Variants in THSD4 observed in about 807,000 individuals in gnomAD.
THSD4 encodes thrombospondin type 1 domain containing 4.
A neutral mutation model predicts 119.0 loss-of-function variants in THSD4; 69 were observed. The ratio of observed to expected loss-of-function variants is 0.58; its 90% CI spans 0.48 to 0.71. The LOEUF (loss-of-function observed/expected upper bound fraction) is 0.71. THSD4 is among the 30% of genes least tolerant of loss of function. The probability of loss-of-function intolerance (pLI) is 0.00; values close to 1 mark genes in which losing one functional copy is unlikely to be tolerated. For synonymous variants in THSD4, 524 were observed against 540.4 expected (o/e 0.97, Z 0.42); for missense variants, 1,393 against 1,391.1 (o/e 1.00, Z -0.02).
At chr15:71,552,179 G>A (rs62022765) in intron 7 of THSD4, among the ~76,000 whole-genome samples, 46,954 of 152,032 alleles carry the variant, frequency 0.31, 7,912 homozygotes, top group Non-Finnish European at 0.39. Context: ...GGGATGTGGC[G>A]GGAAATTTGT....
chr15:71,621,082 A>G (rs563234625), intron 7 of THSD4, among the ~76,000 whole-genome samples: 2 of 152,334 alleles, frequency 1.3e-5, no homozygotes, highest in South Asian at 4.1e-4. Flanking sequence ...TTATACACCC[A>G]AAGTACCATG....
chr15:71,771,068 C>G lies in THSD4; in HGVS notation c.2774C>G (p.Ser925Cys). Residue 925 changes from serine to cysteine, a missense_variant, in exon 17 of 18, where the codon TCC becomes TGC. By Grantham distance (112) the Ser-to-Cys change is moderately radical (BLOSUM62 -1). Transcript: ENST00000261862. ...KWFSTEWSMC[S>C]KSCQGGFRVR... ...TTTCCCTTTGTTCCCATGCAGTGTT[C>G]CAAGAGCTGCCAGGGTGGCTTTCGG... 6.2e-7 allele frequency: 1 copy of G among 1,613,996 alleles called. No individual in the cohort carries two copies. Among genetic ancestry groups the G allele is most frequent in the Non-Finnish European group, 8.5e-7 (1 of 1,179,934 alleles).
At chr15:71,390,817 C>T (rs1481984212) in intron 6 of THSD4, among the ~76,000 whole-genome samples, 2 of 148,454 alleles carry the variant, frequency 1.3e-5, no homozygotes, top group Non-Finnish European at 3.0e-5. Flanking sequence ...TTCCGGGCTC[C>T]TCAATTTTTA....
chr15:71,484,466 A>AG (rs1281687179), intron 7 of THSD4, among the ~76,000 whole-genome samples: 1 of 152,214 alleles, frequency 6.6e-6, no homozygotes, highest in African/African-American at 2.4e-5. Flanking sequence ...TTTACACAGA[A>AG]GCCTGGCTTT....
intron 7 of THSD4, among the ~76,000 whole-genome samples, chr15:71,620,209 TC>T (rs2050396040): frequency 6.6e-6 from 1 of 152,176 alleles, no homozygotes; most frequent in African/African-American, 2.4e-5. Context: ...TTCTGTTTTC[TC>T]ATCCAAAAAA....
chr15:71,279,197 C>A (rs887651715), intron 6 of THSD4, among the ~76,000 whole-genome samples: 1 of 152,000 alleles, frequency 6.6e-6, no homozygotes, highest in Non-Finnish European at 1.5e-5. Flanking sequence ...CTCTTGATGC[C>A]AAAAATTAGA....
At chr15:71,275,967 T>C (rs2044585210) in intron 6 of THSD4, among the ~76,000 whole-genome samples, 1 of 152,196 alleles carries the variant, frequency 6.6e-6, no homozygotes. Flanking sequence ...TAGCGTAAGT[T>C]TCTATCAGCA....
chr15:71,410,749 T>G (rs935720871), intron 6 of THSD4, among the ~76,000 whole-genome samples: 2 of 152,096 alleles, frequency 1.3e-5, no homozygotes. Context: ...AAGCAGAATA[T>G]GGCCAGGTGT....
intron 7 of THSD4, among the ~76,000 whole-genome samples, chr15:71,513,183 T>C (rs1222406966): frequency 6.6e-6 from 1 of 152,210 alleles, no homozygotes; most frequent in Non-Finnish European, 1.5e-5. Flanking sequence ...CTTCCTGTCA[T>C]CTCTGTACTT....
At chr15:71,362,725 A>G (rs2045908177) in intron 6 of THSD4, among the ~76,000 whole-genome samples, 1 of 152,196 alleles carries the variant, frequency 6.6e-6, no homozygotes, top group African/African-American at 2.4e-5. Flanking sequence ...TACTGCCGAC[A>G]GTGAGTTCCG....
At chr15:71,459,165 T>C (rs553291286) in intron 7 of THSD4, among the ~76,000 whole-genome samples, 7 of 147,184 alleles carry the variant, frequency 4.8e-5, no homozygotes, top group Non-Finnish European at 7.5e-5. Context: ...TTTTTCTTTT[T>C]TTTTTTTTTT....
Position 71,118,940 on chromosome 15 carries a change from A to G in THSD4, c.-80+3242A>G, listed in dbSNP as rs1055339833. Among the ~76,000 whole-genome samples the G allele has an allele frequency of 7.2e-5, 11 of 152,270 alleles. No individual in the cohort carries two copies. The South Asian group carries it at 2.3e-3, about 32-fold the overall frequency. On this transcript the variant is annotated intron_variant, in intron 1 of 17. Coordinates refer to ENST00000261862, the MANE Select transcript of THSD4 (RefSeq NM_024817.3). Reference sequence around the variant, plus strand: ...GCTGAGGCTGGGACACCCCTTCATCATCTAGGCCTGTTTTGCTCTCTTTTC... The same window carrying G: ...GCTGAGGCTGGGACACCCCTTCATCGTCTAGGCCTGTTTTGCTCTCTTTTC...
rs772150439 is a variant in THSD4 at position 71,746,929 on chromosome 15, C to T, written c.2128C>T (p.Arg710Cys). The T allele has an allele frequency of 2.1e-5, 34 of 1,613,808 alleles. No homozygotes were observed. The highest frequency in any genetic ancestry group is 1.6e-4 in the Middle Eastern group (1 of 6,084). ...TCTGTGCCGCCAGGTGTACGCCAACCGCAGCCTGACGGTGCAGCCCTACCG... is the reference window on the plus strand; with the variant it reads ...TCTGTGCCGCCAGGTGTACGCCAACTGCAGCCTGACGGTGCAGCCCTACCG... ...QVLCRQVYAN[R>C]SLTVQPYRCQ... The change falls in exon 13 of 18, where the codon CGC becomes TGC. Residue 710 changes from arginine (R) to cysteine (C), a missense_variant. By Grantham distance (180) the Arg-to-Cys change is radical (BLOSUM62 -3). Coordinates refer to ENST00000261862, the MANE Select transcript of THSD4 (RefSeq NM_024817.3).
At position 71,748,584 on chromosome 15, in the gene THSD4, G is replaced by A; in HGVS notation, c.2405G>A (p.Trp802Ter). 3 of 1,614,052 alleles carry A rather than the reference G, an allele frequency of 1.9e-6. No individual in the cohort carries two copies. The highest frequency in any genetic ancestry group is 2.5e-6 in the Non-Finnish European group (3 of 1,179,970). Residue 802 changes from tryptophan to a stop codon, truncating the protein, a stop_gained, in exon 14 of 18, where the codon TGG becomes TAG. Transcript: ENST00000261862. LOFTEE classifies it high-confidence loss of function. The stretch of plus-strand genomic sequence containing the variant: ...GCCAAGAGCTGGTTCCTCACCGAGT[G>A]GAGCGAAAGGGTGAGTGTGATGGCG... ...PCAKSWFLTEWSERCSAECGA... is the reference protein window; with the variant it reads ...PCAKSWFLTE
intron 6 of THSD4, among the ~76,000 whole-genome samples, chr15:71,266,305 AC>A (rs2044465134): frequency 6.6e-6 from 1 of 152,180 alleles, no homozygotes; most frequent in Non-Finnish European, 1.5e-5. Context: ...TGCTGGTGAT[AC>A]CTAGGCAAAC....
chr15:71,547,926 T>A (rs1023682415), intron 7 of THSD4, among the ~76,000 whole-genome samples: 4 of 152,098 alleles, frequency 2.6e-5, no homozygotes, highest in Non-Finnish European at 5.9e-5. Context: ...TTTTTTTCTT[T>A]GATGTGCTTA....
At chr15:71,145,173 T>C (rs1293673871) in intron 2 of THSD4, among the ~76,000 whole-genome samples, 3 of 152,202 alleles carry the variant, frequency 2.0e-5, no homozygotes, top group African/African-American at 7.2e-5. Flanking sequence ...CAGGTGCTTC[T>C]TCCTTTACTT....
chr15:71,104,525 A>G (rs1439535502), intron 1 of THSD4, among the ~76,000 whole-genome samples: 1 of 152,184 alleles, frequency 6.6e-6, no homozygotes, highest in East Asian at 1.9e-4. Context: ...AACTCTGAAA[A>G]TATTTTAAAG....
At chr15:71,401,557 A>G (rs1482672830) in intron 6 of THSD4, among the ~76,000 whole-genome samples, 2 of 152,114 alleles carry the variant, frequency 1.3e-5, no homozygotes, top group African/African-American at 2.4e-5. Context: ...CTGGGTTTTT[A>G]CATTTCACAT....
Sources: allele counts gnomAD v4.1 joint callset (sites outside exome capture counted in the v4.1 genomes callset), GRCh38; gene constraint gnomAD v4.1.1; transcripts MANE v1.5; gene names NCBI Gene and HGNC (gene_info 2026-07-23, HGNC 2026-07-21).